Variants in TEX9 observed in about 807,000 individuals in gnomAD.
The protein encoded by TEX9 is testis expressed 9, also known as testis-expressed protein 9.
In TEX9, 74 loss-of-function variants were observed where a neutral mutation model predicts 59.6. That is an observed-to-expected ratio of 1.24 (90% confidence interval 1.03 to 1.51). The LOEUF is 1.51. Ranked by LOEUF, TEX9 falls within the 40% of genes most tolerant of loss-of-function variation. The pLI, the probability that TEX9 is intolerant of heterozygous loss-of-function variation, is 0.00. For missense variants in TEX9, 522 were observed against 447.8 expected (o/e 1.17, Z -1.49); for synonymous variants, 186 against 152.2 (o/e 1.22, Z -1.64).
intron 2 of TEX9, among the ~76,000 whole-genome samples, chr15:56,367,178 G>A (rs765181430): frequency 1.1e-4 from 17 of 152,136 alleles, no homozygotes; most frequent in Non-Finnish European, 8.8e-5. Context: ...AAACGAGATA[G>A]CTAAACAGTA....
At chr15:56,371,169 A>G (rs2047176060) in intron 2 of TEX9, among the ~76,000 whole-genome samples, 1 of 152,042 alleles carries the variant, frequency 6.6e-6, no homozygotes, top group Non-Finnish European at 1.5e-5. Flanking sequence ...TTCTTTTATA[A>G]CTTCTGTTAA....
intron 1 of TEX9, among the ~76,000 whole-genome samples, chr15:56,246,320 CAG>C (rs1596039076): frequency 6.6e-6 from 1 of 152,086 alleles, no homozygotes; most frequent in African/African-American, 2.4e-5. Flanking sequence ...GGAGGGGTGG[CAG>C]AGAGTATCAG....
intron 3 of TEX9, among the ~76,000 whole-genome samples, chr15:56,376,275 C>T (rs185591682): frequency 1.3e-3 from 204 of 152,222 alleles, no homozygotes; most frequent in Non-Finnish European, 1.6e-3. Context: ...GACCTATACG[C>T]AGCAGTGGGA....
At chr15:56,265,287 T>G (rs1322934314) in intron 1 of TEX9, among the ~76,000 whole-genome samples, 1 of 151,672 alleles carries the variant, frequency 6.6e-6, no homozygotes, top group Non-Finnish European at 1.5e-5. Context: ...TGCCTCAGCC[T>G]CCCCGAGTTG....
chr15:56,248,780 A>C (rs2043929289), intron 1 of TEX9: 1 of 152,246 alleles, frequency 6.6e-6, no homozygotes, highest in Non-Finnish European at 1.5e-5. Context: ...GCAGATAAAG[A>C]AAAACACTAA....
At chr15:56,438,325 A>T (rs770427014) in intron 12 of TEX9, among the ~76,000 whole-genome samples, 29 of 151,988 alleles carry the variant, frequency 1.9e-4, no homozygotes, top group Non-Finnish European at 3.7e-4. Flanking sequence ...ATCTACAACC[A>T]TCTGCTCTTT....
At chr15:56,313,235 G>C (rs2045668422) in intron 1 of TEX9, among the ~76,000 whole-genome samples, 1 of 129,774 alleles carries the variant, frequency 7.7e-6, no homozygotes, top group Non-Finnish European at 1.7e-5. Flanking sequence ...GTTTTCAAAG[G>C]GAATGCTTCC....
At position 56,388,793 on chromosome 15, in the gene TEX9, G is replaced by C. The variant is rs17819444; in HGVS notation, c.312+273G>C. On this transcript the variant is annotated intron_variant, in intron 5 of 12. Transcript: ENST00000352903. Reference sequence around the variant, plus strand: ...CTGAGGCTTATTTTTTTTTCCTGACGCTTAAATCTAGTAGAGAGAAGACTT... The same window carrying C: ...CTGAGGCTTATTTTTTTTTCCTGACCCTTAAATCTAGTAGAGAGAAGACTT... 3.3e-5 allele frequency among the ~76,000 whole-genome samples: 5 copies of C among 151,578 alleles called. No individual in the cohort carries two copies. In the East Asian group the frequency reaches 9.7e-4, roughly 29 times the overall value.
chr15:56,373,354 A>G, intron 2 of TEX9, 87 bp from the exon 3 acceptor site: 1 of 1,264,310 alleles, frequency 7.9e-7, no homozygotes, highest in African/African-American at 1.6e-5. Context: ...TTTGTTGATT[A>G]CGTCACTTGA....
At chr15:56,348,839 C>G (rs1403559968) in intron 1 of TEX9, among the ~76,000 whole-genome samples, 2 of 152,036 alleles carry the variant, frequency 1.3e-5, no homozygotes, top group Non-Finnish European at 2.9e-5. Context: ...TTTCCTTCCT[C>G]CTGTGATTTT....
chr15:56,259,501 G>GA (rs1167309969), intron 1 of TEX9, among the ~76,000 whole-genome samples: 2 of 151,588 alleles, frequency 1.3e-5, no homozygotes, highest in African/African-American at 4.8e-5. Context: ...ATCATTTATT[G>GA]AAAAAAAATC....
chr15:56,300,369 C>T (rs1222966783), intron 1 of TEX9, among the ~76,000 whole-genome samples: 1 of 152,072 alleles, frequency 6.6e-6, no homozygotes, highest in East Asian at 1.9e-4. Context: ...CAAATAGGTT[C>T]ATAAGGTTCC....
At position 56,427,737 on chromosome 15, in the gene TEX9, A is replaced by AAGGTGAGTCTATCATT. The variant is rs1160152574; in HGVS notation, c.1098_1098+15dup. On this transcript the variant is annotated frameshift_variant and splice_region_variant, in exon 11 of 13. Coordinates refer to ENST00000352903, the Ensembl canonical transcript of TEX9. LOFTEE classifies it high-confidence loss of function. ...ATTAATTGATGTTTTAAAAAGGCAA[A>AAGGTGAGTCTATCATT]AGGTGAGTCTATCATTAAAGTTAAA... 3 of 1,475,462 alleles carry AAGGTGAGTCTATCATT rather than the reference A, an allele frequency of 2.0e-6. No homozygotes were observed. The highest frequency in any genetic ancestry group is 2.7e-6 in the Non-Finnish European group (3 of 1,107,920). 91.4% of individuals were successfully genotyped at this position (1,475,462 alleles called of 1,614,324 possible).
At chr15:56,425,589 C>T (rs2050200551) in intron 10 of TEX9, among the ~76,000 whole-genome samples, 1 of 152,064 alleles carries the variant, frequency 6.6e-6, no homozygotes, top group Non-Finnish European at 1.5e-5. Flanking sequence ...TTGATAGTCT[C>T]ATTTTATTAA....
chr15:56,417,409 A>G (rs2049749718), intron 10 of TEX9, among the ~76,000 whole-genome samples: 1 of 150,992 alleles, frequency 6.6e-6, no homozygotes, highest in Non-Finnish European at 1.5e-5. Context: ...CTTTGTTGTT[A>G]TTTTCAACTT....
chr15:56,288,847 A>G (rs570529341), intron 1 of TEX9, among the ~76,000 whole-genome samples: 6 of 152,132 alleles, frequency 3.9e-5, no homozygotes, highest in East Asian at 3.9e-4. Context: ...CTCTCTCTTC[A>G]TCTTAACTCC....
intron 1 of TEX9, among the ~76,000 whole-genome samples, chr15:56,280,827 T>C (rs1401908168): frequency 6.6e-6 from 1 of 152,166 alleles, no homozygotes; most frequent in African/African-American, 2.4e-5. Flanking sequence ...ATTAGAAAAA[T>C]CAATGTTATT....
intron 10 of TEX9, among the ~76,000 whole-genome samples, chr15:56,424,206 G>A (rs2050134218): frequency 6.6e-6 from 1 of 152,008 alleles, no homozygotes; most frequent in Non-Finnish European, 1.5e-5. Flanking sequence ...TGCTGAACTG[G>A]CCCTTTTGTT....
At chr15:56,411,863 G>A (rs183651690) in intron 9 of TEX9, among the ~76,000 whole-genome samples, 251 of 152,244 alleles carry the variant, frequency 1.6e-3, no homozygotes, top group Middle Eastern at 6.8e-3. Context: ...AGAATGTTGT[G>A]CATTTAATGA....
Sources: allele counts gnomAD v4.1 joint callset (sites outside exome capture counted in the v4.1 genomes callset), GRCh38; gene constraint gnomAD v4.1.1; transcripts MANE v1.5; gene names NCBI Gene and HGNC (gene_info 2026-07-23, HGNC 2026-07-21).